Variants in GTF3C3 observed in about 807,000 individuals in gnomAD.
GTF3C3 encodes general transcription factor IIIC subunit 3.
A neutral mutation model predicts 105.2 loss-of-function variants in GTF3C3; 75 were observed. The observed-to-expected ratio is 0.71, with a 90% CI of 0.59 to 0.86. The LOEUF is 0.86. GTF3C3 is among the 40% of genes least tolerant of loss of function. The pLI, the probability that GTF3C3 is intolerant of heterozygous loss-of-function variation, is 0.00. For synonymous variants in GTF3C3, 335 were observed against 370.4 expected (o/e 0.90, Z 1.10); for missense variants, 856 against 1,076.5 (o/e 0.80, Z 2.87).
At chr2:196,783,859 T>C (rs567113709) in intron 8 of GTF3C3, among the ~76,000 whole-genome samples, 1 of 152,292 alleles carries the variant, frequency 6.6e-6, no homozygotes, top group South Asian at 2.1e-4. Context: ...GGAAATATCA[T>C]ACTCATCTGC....
rs777731317 is a variant in GTF3C3 at position 196,764,515 on chromosome 2, T to G, written c.*48A>C. Reference sequence around the variant, plus strand: ...TAATAAGCCCTGAGACAGAAGACACTGGTCCTCACACAGCAGCTGCCATTG... The same window carrying G: ...TAATAAGCCCTGAGACAGAAGACACGGGTCCTCACACAGCAGCTGCCATTG... On this transcript the variant is annotated 3_prime_UTR_variant, in exon 18 of 18. Coordinates refer to ENST00000263956, the MANE Select transcript of GTF3C3 (RefSeq NM_012086.5). 6.5e-7 allele frequency: 1 copy of G among 1,545,492 alleles called. No individual in the cohort carries two copies. The highest frequency in any genetic ancestry group is 1.2e-5 in the South Asian group (1 of 80,304).
chr2:196,773,122 T>C lies in GTF3C3; in HGVS notation c.1863A>G (p.Thr621=), dbSNP rs1379488152. ...AIFAVLTSVL[T]KDDWWNLLLK... is the part of the protein sequence containing the mutation. The stretch of plus-strand genomic sequence containing the variant: ...ACAGAAGATTCCACCAGTCATCCTT[T>C]GTCAAGACGCTTGTGAGCACAGCAA... The change falls in exon 14 of 18, where the codon ACA becomes ACG. Residue 621 remains threonine (T), a synonymous_variant. Transcript: ENST00000263956. 1.2e-6 allele frequency: 2 copies of C among 1,610,778 alleles called. No individual in the cohort carries two copies. The highest frequency in any genetic ancestry group is 8.5e-7 in the Non-Finnish European group (1 of 1,178,278).
chr2:196,785,415 A>G (rs1165903473), intron 7 of GTF3C3, 26 bp downstream of exon 7: 2 of 1,318,898 alleles, frequency 1.5e-6, no homozygotes, highest in Admixed American at 2.2e-5. Context: ...GCAAAACTTA[A>G]CAGAGAAACA....
intron 16 of GTF3C3, among the ~76,000 whole-genome samples, chr2:196,768,903 G>C (rs770411517): frequency 6.6e-6 from 1 of 152,036 alleles, no homozygotes; most frequent in Non-Finnish European, 1.5e-5. Flanking sequence ...ATGAGGGCAA[G>C]AAATTCCATC....
chr2:196,797,700 A>G, intron 2 of GTF3C3, 97 bp downstream of exon 2: 2 of 740,254 alleles, frequency 2.7e-6, no homozygotes, highest in Non-Finnish European at 4.8e-6. Context: ...GTAATCAACA[A>G]CAGAGTATCA....
rs1474139396 is a variant in GTF3C3, at chr2:196,765,504, T to TAAAC, written c.2539-823_2539-820dup. 2.0e-5 allele frequency among the ~76,000 whole-genome samples: 3 copies of TAAAC among 151,408 alleles called. No homozygotes were observed. The East Asian group carries it at 5.8e-4, about 29-fold the overall frequency. On this transcript the variant is annotated intron_variant, in intron 17 of 17. Transcript: ENST00000263956. ...TGCAAAGATTAATAAATGGTGTGAGTAAACAATAGTGTTTTTATACATATA... is the reference window on the plus strand; with the variant it reads ...TGCAAAGATTAATAAATGGTGTGAGTAAACAAACAATAGTGTTTTTATACATATA...
chr2:196,791,481 A>G (rs368418404), intron 3 of GTF3C3, 21 bp from the exon 4 acceptor site: 229 of 1,598,362 alleles, frequency 1.4e-4, no homozygotes, highest in South Asian at 6.2e-4. Context: ...GAAAAATGAC[A>G]TTTAGATTAA....
chr2:196,769,956 A>G lies in GTF3C3; in HGVS notation c.2344T>C (p.Ser782Pro), dbSNP rs757449775. Residue 782 changes from serine (S) to proline (P), a missense_variant, in exon 16 of 18, where the codon TCT becomes CCT. Physicochemically the swap from Ser to Pro is moderately conservative, Grantham distance 74. Transcript: ENST00000263956. Reference protein sequence around the residue: ...CIGLTFIHMASQKYVLRRHAL... With the variant: ...CIGLTFIHMAPQKYVLRRHAL... Reference sequence around the variant, plus strand: ...TGTCTCCGTAACACATACTTCTGAGATGCCATATGAATAAAGGTTAGGCCT... The same window carrying G: ...TGTCTCCGTAACACATACTTCTGAGGTGCCATATGAATAAAGGTTAGGCCT... 3.7e-6 allele frequency: 6 copies of G among 1,605,714 alleles called. No homozygotes were observed. Among genetic ancestry groups the G allele is most frequent in the Non-Finnish European group, 5.1e-6 (6 of 1,175,944 alleles).
At chr2:196,785,330 C>T in intron 7 of GTF3C3, 111 bp downstream of exon 7, 1 of 725,520 alleles carries the variant, frequency 1.4e-6, no homozygotes, top group Admixed American at 2.9e-5. Flanking sequence ...TCCATATAGA[C>T]TTTAAATATA....
intron 17 of GTF3C3, 55 bp from the exon 18 acceptor site, chr2:196,764,740 ATTTTATGGCAAATTAATAGTT>A (rs2125736225): frequency 6.8e-7 from 1 of 1,472,898 alleles, no homozygotes; most frequent in East Asian, 2.3e-5. Flanking sequence ...AACCGGGACA[ATTTTATGGCAAATTAATAGTT>A]TTATAAGTGT....
chr2:196,785,536 C>T lies in GTF3C3; in HGVS notation c.946G>A (p.Ala316Thr), dbSNP rs1483673908. Reference protein sequence around the residue: ...VTSAINIIDEAFSKHQGLVSM... With the variant: ...VTSAINIIDETFSKHQGLVSM... Reference sequence around the variant, plus strand: ...ACTAGGCCCTGGTGTTTTGAGAAAGCTTCATCAATTATGTTAATAGCAGAA... The same window carrying T: ...ACTAGGCCCTGGTGTTTTGAGAAAGTTTCATCAATTATGTTAATAGCAGAA... Residue 316 changes from alanine to threonine, a missense_variant, in exon 7 of 18, where the codon GCT becomes ACT. Physicochemically the swap from Ala to Thr is moderately conservative, Grantham distance 58. Transcript: ENST00000263956. The T allele has an allele frequency of 6.2e-7, 1 of 1,608,878 alleles. No individual in the cohort carries two copies. The highest frequency in any genetic ancestry group is 8.5e-7 in the Non-Finnish European group (1 of 1,175,916).
chr2:196,776,405 C>G lies in GTF3C3; in HGVS notation c.1593+22G>C, dbSNP rs1233448589. The G allele has an allele frequency of 1.3e-6, 2 of 1,589,592 alleles. No individual in the cohort carries two copies. The highest frequency in any genetic ancestry group is 3.4e-5 in the Admixed American group (2 of 59,398). On this transcript the variant is annotated intron_variant, in intron 11 of 17. Transcript: ENST00000263956. This position sits in a 1 kb window ranked among gnomAD's most constrained non-coding sequence, Gnocchi z 4.5. ...AAATATAATATACCAAGAAAAACTT[C>G]CCTCTATGTGACATGGCCCACCTGC... is the stretch of plus-strand genomic sequence containing the variant.
At chr2:196,772,789 T>G in intron 14 of GTF3C3, 127 bp downstream of exon 14, 1 of 593,096 alleles carries the variant, frequency 1.7e-6, no homozygotes, top group Non-Finnish European at 2.9e-6. Flanking sequence ...ATATACTGCC[T>G]CTGGGAATCA....
intron 16 of GTF3C3, among the ~76,000 whole-genome samples, chr2:196,768,091 C>T (rs1452065845): frequency 1.3e-5 from 2 of 152,192 alleles, no homozygotes; most frequent in African/African-American, 2.4e-5. Flanking sequence ...GATCTCAGCT[C>T]ATTGCAACCT....
chr2:196,780,252 G>T, intron 9 of GTF3C3: 1 of 1,002,792 alleles, frequency 1.0e-6, no homozygotes, highest in Non-Finnish European at 1.2e-6. Flanking sequence ...TCCAAAGTCC[G>T]CAAAAAAGAA....
At chr2:196,766,301 G>C (rs1699068201) in intron 17 of GTF3C3, among the ~76,000 whole-genome samples, 1 of 152,056 alleles carries the variant, frequency 6.6e-6, no homozygotes, top group South Asian at 2.1e-4. Flanking sequence ...ACGTCTACCA[G>C]TTCCTGTCTG....
rs1250986637 is a variant in GTF3C3, at chr2:196,769,937, C to T, written c.2363G>A (p.Arg788Gln). Residue 788 changes from arginine (R) to glutamine (Q), a missense_variant, in exon 16 of 18, where the codon CGG (arginine) becomes CAG (glutamine). This residue lies in a region of GTF3C3 where 134 missense variants were observed against 128.9 expected (regional missense o/e 1.04). Coordinates refer to ENST00000263956, the MANE Select transcript of GTF3C3 (RefSeq NM_012086.5). Reference protein sequence around the residue: ...IHMASQKYVLRRHALIVQGFS... With the variant: ...IHMASQKYVLQRHALIVQGFS... ...TACCTGTACAATAAGAGCATGTCTC[C>T]GTAACACATACTTCTGAGATGCCAT... The T allele has an allele frequency of 1.2e-6, 2 of 1,606,778 alleles. No individual in the cohort carries two copies. The highest frequency in any genetic ancestry group is 1.7e-6 in the Non-Finnish European group (2 of 1,176,102).
intron 15 of GTF3C3, 40 bp from the exon 16 acceptor site, chr2:196,770,079 C>T: frequency 6.9e-7 from 1 of 1,450,180 alleles, no homozygotes; most frequent in African/African-American, 1.5e-5. Flanking sequence ...GTGACAAGAA[C>T]AGAGTTATTT....
Position 196,776,378 on chromosome 2 carries a change from TA to T in GTF3C3, c.1593+48del. 1 of 1,476,910 alleles carries T rather than the reference TA, an allele frequency of 6.8e-7. No individual in the cohort carries two copies. Among genetic ancestry groups the T allele is most frequent in the Non-Finnish European group, 9.4e-7 (1 of 1,066,746 alleles). The allele number at this position is 1,476,910 out of a possible 1,614,324, so 91.5% of individuals were successfully genotyped here. A position where few individuals can be genotyped will look rare whatever the true frequency, so the allele number is the denominator to read the frequency against. ...ACATCCTTAATGGAGGAGAAAGTTCTAAAATATAATATACCAAGAAAAACTT... is the reference window on the plus strand; with the variant it reads ...ACATCCTTAATGGAGGAGAAAGTTCTAAATATAATATACCAAGAAAAACTT... On this transcript the variant is annotated intron_variant, in intron 11 of 17. Transcript: ENST00000263956. The surrounding 1 kb of genome is among the most constrained non-coding windows in gnomAD (Gnocchi z 4.5).
Sources: gnomAD v4.1 joint callset for allele counts (sites outside exome capture counted in the v4.1 genomes callset) on GRCh38, gnomAD v4.1.1 for gene constraint, gnomAD v4.1.1 regional missense constraint, Gnocchi (gnomAD v3.1) non-coding constraint, MANE v1.5 for transcripts, NCBI Gene and HGNC (gene_info 2026-07-23, HGNC 2026-07-21) for gene names.